ZFYVE28: variants seen among roughly 807,000 people sequenced by gnomAD.
ZFYVE28 encodes lateral signaling target protein 2 homolog.
ZFYVE28 carries 40 observed loss-of-function variants against 82.1 expected under a neutral mutation model. The ratio of observed to expected loss-of-function variants is 0.49; its 90% CI spans 0.38 to 0.63. The LOEUF (loss-of-function observed/expected upper bound fraction) is 0.63. Among genes scored for constraint, ZFYVE28 ranks in the 30% least tolerant of loss-of-function variants. The pLI, the probability that ZFYVE28 is intolerant of heterozygous loss-of-function variation, is 0.00. For missense variants in ZFYVE28, 1,321 were observed against 1,242.1 expected (o/e 1.06, Z -0.96); for synonymous variants, 612 against 546.1 (o/e 1.12, Z -1.68).
chr4:2,348,564 G>T (rs1376596226), intron 2 of ZFYVE28, among the ~76,000 whole-genome samples: 1 of 152,162 alleles, frequency 6.6e-6, no homozygotes, highest in Non-Finnish European at 1.5e-5. Flanking sequence ...TGCGTAAAAG[G>T]ATAATGTACC....
intron 1 of ZFYVE28, among the ~76,000 whole-genome samples, chr4:2,384,725 T>C (rs1729071649): frequency 6.6e-6 from 1 of 152,128 alleles, no homozygotes; most frequent in Non-Finnish European, 1.5e-5. Flanking sequence ...TGTGAACAAA[T>C]GAATGACTGA....
rs767820995 is a variant in ZFYVE28, at chr4:2,273,310, T to C, written c.2207-21A>G. On this transcript the variant is annotated intron_variant, in intron 9 of 12. Transcript: ENST00000290974. ...CACACCTGAGGAAGGAAGGCCACAG[T>C]AACCACGACAGAAGGACGGATGGAA... is the stretch of plus-strand genomic sequence containing the variant. 1.9e-6 allele frequency: 3 copies of C among 1,599,550 alleles called. No individual in the cohort carries two copies. In the Admixed American group the frequency reaches 5.0e-5, roughly 27 times the overall value.
rs1156559384 is a variant in ZFYVE28 at position 2,282,678 on chromosome 4, C to T, written c.2052-8462G>A. On this transcript the variant is annotated intron_variant, in intron 8 of 12. Coordinates refer to ENST00000290974, the MANE Select transcript of ZFYVE28 (RefSeq NM_020972.3). ...AAAGACAGGACTTTGCCACCTTGAA[C>T]CTCTAGGAGTCTGTGAAAGAAGAGA... is the stretch of plus-strand genomic sequence containing the variant. Among the ~76,000 whole-genome samples, 3 of 152,336 alleles carry T rather than the reference C, an allele frequency of 2.0e-5. No individual in the cohort carries two copies. The East Asian group carries it at 5.8e-4, about 29-fold the overall frequency.
chr4:2,359,917 A>G (rs946309844), intron 1 of ZFYVE28, among the ~76,000 whole-genome samples: 1 of 152,108 alleles, frequency 6.6e-6, no homozygotes, highest in African/African-American at 2.4e-5. Context: ...GGGTGGGCTC[A>G]AGCTTCCCTG....
chr4:2,296,417 T>C (rs1410710445), intron 8 of ZFYVE28, among the ~76,000 whole-genome samples: 2 of 152,222 alleles, frequency 1.3e-5, no homozygotes, highest in Non-Finnish European at 2.9e-5. Context: ...CGACTCACCG[T>C]GTCAGCCCAG....
intron 6 of ZFYVE28, among the ~76,000 whole-genome samples, chr4:2,323,423 G>T (rs1409496543): frequency 6.6e-6 from 1 of 151,906 alleles, no homozygotes; most frequent in Non-Finnish European, 1.5e-5. Context: ...GAGTTGTAAG[G>T]GTTCTTTATA....
chr4:2,341,647 T>G lies in ZFYVE28; in HGVS notation c.181-32A>C, dbSNP rs181479753. Reference sequence around the variant, plus strand: ...CAGAAGACAGGAGAAAGTGCGCCAATCGCTGTGTCCAGCTGGCGGCCGCCA... The same window carrying G: ...CAGAAGACAGGAGAAAGTGCGCCAAGCGCTGTGTCCAGCTGGCGGCCGCCA... On this transcript the variant is annotated intron_variant, in intron 2 of 12. Coordinates refer to ENST00000290974, the MANE Select transcript of ZFYVE28 (RefSeq NM_020972.3). The surrounding 1 kb of genome is among the most constrained non-coding windows in gnomAD (Gnocchi z 4.5). The G allele has an allele frequency of 4.1e-4, 655 of 1,593,978 alleles. 3 individuals are homozygous for G. In the African/African-American group the frequency reaches 7.7e-3, roughly 19 times the overall value.
At chr4:2,317,443 A>T (rs1718393111) in intron 7 of ZFYVE28, among the ~76,000 whole-genome samples, 1 of 152,216 alleles carries the variant, frequency 6.6e-6, no homozygotes, top group South Asian at 2.1e-4. Context: ...GACACGGAGT[A>T]GGTTGAGGTT....
In ZFYVE28 at chr4:2,394,173, G is replaced by A. The variant is rs546384317; in HGVS notation, c.39+24112C>T. ...ACTGAGGACTCCTGTGGTTCCACTG[G>A]GGCCACCGACATAATCCAGGAAAAT... On this transcript the variant is annotated intron_variant, in intron 1 of 12. Transcript: ENST00000290974. The surrounding 1 kb of genome is among the most constrained non-coding windows in gnomAD (Gnocchi z 4.0). Among the ~76,000 whole-genome samples the A allele has an allele frequency of 6.6e-6, 1 of 152,238 alleles. No individual in the cohort carries two copies. Among genetic ancestry groups the A allele is most frequent in the East Asian group, 1.9e-4 (1 of 5,192 alleles).
chr4:2,337,274 C>T (rs529592516), intron 5 of ZFYVE28, 133 bp downstream of exon 5: 43 of 714,226 alleles, frequency 6.0e-5, no homozygotes, highest in South Asian at 1.6e-4. Context: ...TGGGAAGACA[C>T]GTCTGGTGCC....
intron 8 of ZFYVE28, among the ~76,000 whole-genome samples, chr4:2,288,920 T>C (rs1330919926): frequency 1.3e-5 from 2 of 152,276 alleles, no homozygotes; most frequent in East Asian, 3.9e-4. Context: ...GAGCCATGAT[T>C]GCACCACTGC....
intron 1 of ZFYVE28, among the ~76,000 whole-genome samples, chr4:2,398,036 A>AGGG (rs11444538): frequency 8.2e-6 from 1 of 121,764 alleles, no homozygotes; most frequent in African/African-American, 3.3e-5. Flanking sequence ...GTGAGATGGG[A>AGGG]GGGGGGGTCC....
At chr4:2,275,580 T>A (rs970735690) in intron 8 of ZFYVE28, among the ~76,000 whole-genome samples, 1 of 152,260 alleles carries the variant, frequency 6.6e-6, no homozygotes, top group Non-Finnish European at 1.5e-5. Flanking sequence ...GCTTGGCTCA[T>A]TTATTTGGCC....
At chr4:2,334,602 C>T (rs182841264) in intron 6 of ZFYVE28, among the ~76,000 whole-genome samples, 2 of 151,924 alleles carry the variant, frequency 1.3e-5, no homozygotes, top group East Asian at 1.9e-4. Flanking sequence ...GAGCCTGGAC[C>T]AGTCGTGGCC....
chr4:2,303,566 G>A (rs924889399), intron 8 of ZFYVE28, among the ~76,000 whole-genome samples: 7 of 152,146 alleles, frequency 4.6e-5, no homozygotes, highest in African/African-American at 1.7e-4. Context: ...CAATGGCCCT[G>A]ACAACGCAGC....
At chr4:2,369,850 C>CTTTT (rs1408650676) in intron 1 of ZFYVE28, among the ~76,000 whole-genome samples, 13 of 61,024 alleles carry the variant, frequency 2.1e-4, no homozygotes, top group African/African-American at 3.0e-4. Flanking sequence ...TTTTTCTTTT[C>CTTTT]TTTTTTTTTT....
At chr4:2,392,226 G>A (rs908799650) in intron 1 of ZFYVE28, among the ~76,000 whole-genome samples, 1 of 152,012 alleles carries the variant, frequency 6.6e-6, no homozygotes, top group Admixed American at 6.6e-5. Context: ...TATGGCCTGG[G>A]GGAATAAAGC....
At chr4:2,328,572 T>C (rs1288939639) in intron 6 of ZFYVE28, 1 of 152,236 alleles carries the variant, frequency 6.6e-6, no homozygotes, top group Non-Finnish European at 1.5e-5. Context: ...ATATTTGAGG[T>C]GATGGATATG....
intron 8 of ZFYVE28, among the ~76,000 whole-genome samples, chr4:2,285,142 G>A (rs1399436946): frequency 6.6e-6 from 1 of 151,836 alleles, no homozygotes; most frequent in African/African-American, 2.4e-5. Context: ...ACCCCACGTG[G>A]ACTGAAGGCA....
Sources: allele counts gnomAD v4.1 joint callset (sites outside exome capture counted in the v4.1 genomes callset), GRCh38; gene constraint gnomAD v4.1.1; non-coding constraint Gnocchi (gnomAD v3.1); transcripts MANE v1.5; gene names NCBI Gene and HGNC (gene_info 2026-07-23, HGNC 2026-07-21).